HCN1: variants seen among roughly 807,000 people sequenced by gnomAD.
HCN1 encodes hyperpolarization activated cyclic nucleotide gated potassium channel 1, also known as potassium/sodium hyperpolarization-activated cyclic nucleotide-gated channel 1.
A neutral mutation model predicts 78.9 loss-of-function variants in HCN1; 13 were observed. That is an observed-to-expected ratio of 0.16 (90% CI 0.11 to 0.26). The LOEUF (loss-of-function observed/expected upper bound fraction) is 0.26. Ranked by LOEUF, HCN1 falls within the 10% of genes least tolerant of loss-of-function variation. The pLI is 1.00. For missense variants in HCN1, 810 were observed against 1,154.3 expected, an observed-to-expected ratio of 0.70 and a Z score of 4.32; for synonymous variants, 552 against 455.5, an observed-to-expected ratio of 1.21 and a Z score of -2.70.
chr5:45,613,098 C>T (rs1480046135), intron 2 of HCN1, among the ~76,000 whole-genome samples: 1 of 151,570 alleles, frequency 6.6e-6, no homozygotes, highest in Non-Finnish European at 1.5e-5. Flanking sequence ...TGGTGCACTG[C>T]ACCCACTAAC....
At chr5:45,647,963 G>A (rs889917779) in intron 1 of HCN1, among the ~76,000 whole-genome samples, 49 of 152,114 alleles carry the variant, frequency 3.2e-4, no homozygotes, top group Admixed American at 3.3e-4. Context: ...CTTACCAGCT[G>A]TTTTATTTAA....
intron 3 of HCN1, among the ~76,000 whole-genome samples, chr5:45,427,557 G>A (rs1000503101): frequency 2.6e-5 from 4 of 152,012 alleles, no homozygotes; most frequent in African/African-American, 7.2e-5. Context: ...AACTTGCAAA[G>A]CAGTCAGGTG....
chr5:45,392,842 T>A (rs1170705250), intron 4 of HCN1, among the ~76,000 whole-genome samples: 1 of 151,902 alleles, frequency 6.6e-6, no homozygotes, highest in East Asian at 1.9e-4. Flanking sequence ...CAAAACTTGA[T>A]AAATTTGTCA....
intron 1 of HCN1, among the ~76,000 whole-genome samples, chr5:45,676,336 A>G (rs928563304): frequency 1.3e-5 from 2 of 151,838 alleles, no homozygotes; most frequent in Non-Finnish European, 2.9e-5. Flanking sequence ...ACATATATGC[A>G]TAAGCAAATC....
chr5:45,348,960 T>C (rs144220008), intron 5 of HCN1, among the ~76,000 whole-genome samples: 4,547 of 152,226 alleles, frequency 0.03, 268 homozygotes, highest in African/African-American at 0.1. Flanking sequence ...ATTAGACAGA[T>C]TAACGAGACA....
chr5:45,372,016 A>T (rs1393375574), intron 4 of HCN1, among the ~76,000 whole-genome samples: 7 of 64,650 alleles, frequency 1.1e-4, no homozygotes, highest in Admixed American at 3.0e-4. Flanking sequence ...TATATCATAT[A>T]ATATATATAA....
At chr5:45,593,334 T>A (rs1375012807) in intron 2 of HCN1, among the ~76,000 whole-genome samples, 206 of 125,672 alleles carry the variant, frequency 1.6e-3, no homozygotes, top group Non-Finnish European at 2.5e-3. Context: ...TCTCTCTCTC[T>A]CTCTCTCACA....
chr5:45,495,690 G>T (rs1285420161), intron 2 of HCN1, among the ~76,000 whole-genome samples: 1 of 152,022 alleles, frequency 6.6e-6, no homozygotes, highest in Admixed American at 6.6e-5. Context: ...GTTTTCAAAG[G>T]GAATGCTTCC....
chr5:45,522,711 T>C (rs1033182191), intron 2 of HCN1, among the ~76,000 whole-genome samples: 40 of 151,928 alleles, frequency 2.6e-4, no homozygotes, highest in African/African-American at 9.7e-4. Flanking sequence ...CTGCTTTGAA[T>C]TGACAACATA....
At chr5:45,302,263 A>G (rs1745641968) in intron 6 of HCN1, among the ~76,000 whole-genome samples, 1 of 134,730 alleles carries the variant, frequency 7.4e-6, no homozygotes, top group Non-Finnish European at 1.5e-5. Context: ...AGTTCTCAGG[A>G]GTTCTGATGG....
intron 2 of HCN1, among the ~76,000 whole-genome samples, chr5:45,625,050 G>C (rs190300033): frequency 6.6e-6 from 1 of 151,970 alleles, no homozygotes; most frequent in Admixed American, 6.6e-5. Context: ...CTACATGTTG[G>C]TATTAAAAAA....
chr5:45,683,745 A>T (rs1043198450), intron 1 of HCN1, among the ~76,000 whole-genome samples: 2 of 151,534 alleles, frequency 1.3e-5, no homozygotes, highest in Admixed American at 1.3e-4. Context: ...ATCTTGGCTC[A>T]CTGAAGCCTC....
chr5:45,631,322 G>A (rs751401722), intron 2 of HCN1, among the ~76,000 whole-genome samples: 2 of 152,100 alleles, frequency 1.3e-5, no homozygotes, highest in African/African-American at 2.4e-5. Context: ...AAAGTTATAA[G>A]AAGTGAAATA....
chr5:45,690,666 A>C (rs1481405758), intron 1 of HCN1, among the ~76,000 whole-genome samples: 1 of 152,086 alleles, frequency 6.6e-6, no homozygotes, highest in Non-Finnish European at 1.5e-5. Flanking sequence ...CTTAGAGAAA[A>C]TATAATTTTC....
chr5:45,461,205 T>C (rs1438080960), intron 3 of HCN1, among the ~76,000 whole-genome samples: 1 of 152,040 alleles, frequency 6.6e-6, no homozygotes, highest in Non-Finnish European at 1.5e-5. Flanking sequence ...TGTTGAGTGT[T>C]GCATTATATA....
intron 2 of HCN1, among the ~76,000 whole-genome samples, chr5:45,535,067 C>T (rs544050492): frequency 1.8e-4 from 27 of 152,138 alleles, no homozygotes; most frequent in South Asian, 4.1e-4. Context: ...AATTAAATCA[C>T]GCACTATAAA....
intron 3 of HCN1, among the ~76,000 whole-genome samples, chr5:45,421,476 T>C (rs577183860): frequency 1.7e-3 from 263 of 152,206 alleles, no homozygotes; most frequent in Non-Finnish European, 3.2e-3. Context: ...TGGATTAATA[T>C]GTCAACAAAA....
chr5:45,272,076 G>T (rs1182081543), intron 6 of HCN1, among the ~76,000 whole-genome samples: 1 of 151,920 alleles, frequency 6.6e-6, no homozygotes, highest in African/African-American at 2.4e-5. Flanking sequence ...CACACCCTTA[G>T]CAACGAAAAA....
chr5:45,648,063 T>G (rs1333139290), intron 1 of HCN1, among the ~76,000 whole-genome samples: 2 of 152,192 alleles, frequency 1.3e-5, no homozygotes, highest in Non-Finnish European at 2.9e-5. Flanking sequence ...TTTTATGGAT[T>G]AAACGAGACG....
Sources: allele counts gnomAD v4.1 joint callset (sites outside exome capture counted in the v4.1 genomes callset), GRCh38; gene constraint gnomAD v4.1.1; transcripts MANE v1.5; gene names NCBI Gene and HGNC (gene_info 2026-07-23, HGNC 2026-07-21).